Variants in CFLAR observed in about 807,000 individuals in gnomAD.
The protein encoded by CFLAR is CASP8 and FADD like apoptosis regulator.
A neutral mutation model predicts 51.1 loss-of-function variants in CFLAR; 14 were observed. The observed-to-expected ratio is 0.27, with a 90% CI of 0.18 to 0.43. The LOEUF (loss-of-function observed/expected upper bound fraction) is 0.43. CFLAR is among the 20% of genes least tolerant of loss of function. The pLI is 1.00. For synonymous variants in CFLAR, 210 were observed against 211.6 expected, an observed-to-expected ratio of 0.99 and a Z score of 0.06; for missense variants, 390 against 566.5, an observed-to-expected ratio of 0.69 and a Z score of 3.16.
At chr2:201,149,299 T>G (rs560203667) in intron 7 of CFLAR, 97 of 409,788 alleles carry the variant, frequency 2.4e-4, no homozygotes, top group Non-Finnish European at 3.8e-4. Flanking sequence ...ACTCAGTGAC[T>G]GCTGAACATA....
chr2:201,160,207 G>A (rs1942838705), intron 8 of CFLAR, among the ~76,000 whole-genome samples: 1 of 152,188 alleles, frequency 6.6e-6, no homozygotes, highest in Non-Finnish European at 1.5e-5. Flanking sequence ...GGCAGGAACA[G>A]TGGTATAGCA....
intron 2 of CFLAR, among the ~76,000 whole-genome samples, chr2:201,131,351 T>A (rs1295985672): frequency 6.6e-6 from 1 of 152,092 alleles, no homozygotes; most frequent in African/African-American, 2.4e-5. Context: ...TTCTCCTGCC[T>A]TAGCCTCCTG....
At chr2:201,123,847 C>T (rs1280975735) in intron 1 of CFLAR, among the ~76,000 whole-genome samples, 1 of 152,192 alleles carries the variant, frequency 6.6e-6, no homozygotes, top group Non-Finnish European at 1.5e-5. Context: ...CAGAATTGTG[C>T]AACCTCTTCT....
At chr2:201,132,502 A>G (rs2049466531) in intron 2 of CFLAR, among the ~76,000 whole-genome samples, 1 of 151,698 alleles carries the variant, frequency 6.6e-6, no homozygotes. Flanking sequence ...TTCTAGGCAA[A>G]GACATCTAAG....
chr2:201,152,076 T>A (rs1941369551), intron 8 of CFLAR, among the ~76,000 whole-genome samples: 1 of 151,970 alleles, frequency 6.6e-6, no homozygotes. Context: ...AACCTCTTCC[T>A]CCTGGGTTCA....
intron 3 of CFLAR, among the ~76,000 whole-genome samples, chr2:201,134,640 T>TTAAAATAAGA (rs529797160): frequency 7.0e-6 from 1 of 142,862 alleles, no homozygotes; most frequent in Non-Finnish European, 1.5e-5. Flanking sequence ...ATCTCAAAAA[T>TTAAAATAAGA]TAAAATAAAA....
rs113148448 is a variant in CFLAR at position 201,131,243 on chromosome 2, CT to C, written c.281+1108del. On this transcript the variant is annotated intron_variant, in intron 2 of 9. Coordinates refer to ENST00000309955, the MANE Select transcript of CFLAR (RefSeq NM_003879.7). ...ACTTGTAACCTTAAGTTGGTGTTTT[CT>C]TTTTTTTTTTGAGACAAAGTCTCGC... Among the ~76,000 whole-genome samples the C allele has an allele frequency of 9.1e-3, 1,329 of 146,304 alleles. 15 individuals carry two copies. The highest frequency in any genetic ancestry group is 0.03 in the African/African-American group (1,194 of 40,244).
rs1456739297 is a variant in CFLAR at position 201,153,096 on chromosome 2, C to G, written c.793+3261C>G. The G allele has an allele frequency of 2.0e-5, 3 of 152,300 alleles. No individual in the cohort carries two copies. In the East Asian group the frequency reaches 5.8e-4, roughly 29 times the overall value. The allele number at this position is 152,300 out of a possible 1,614,324, so 9.4% of individuals were successfully genotyped here. ...AGTAGGCCTGGGCCATTAGAGGGTA[C>G]CCTGGATGCTCGGTGCTGCCTTTCC... On this transcript the variant is annotated intron_variant, in intron 8 of 9. Transcript: ENST00000309955.
rs1939067725 is a variant in CFLAR, at chr2:201,142,168, G to A, written c.606+1729G>A. The stretch of plus-strand genomic sequence containing the variant: ...GTGTGCCTTTAGTCTCAGCTACTTG[G>A]GAGGCTGAGGTGGGAGAAATTGCTT... On this transcript the variant is annotated intron_variant, in intron 5 of 9. Coordinates refer to ENST00000309955, the MANE Select transcript of CFLAR (RefSeq NM_003879.7). Among the ~76,000 whole-genome samples the A allele has an allele frequency of 1.3e-5, 2 of 151,946 alleles. 1 individual carries two copies. The highest frequency in any genetic ancestry group is 1.3e-4 in the Admixed American group (2 of 15,240).
Position 201,168,446 on chromosome 2 carries a change from C to T in CFLAR, c.*4473C>T, listed in dbSNP as rs183084551. ...AACGTTGCTTCATGTTAAAAACTCT[C>T]AATAAACTAGGTATTGATGGAAAAT... is the stretch of plus-strand genomic sequence containing the variant. On this transcript the variant is annotated 3_prime_UTR_variant, in exon 10 of 10. Transcript: ENST00000309955. 1 of 152,204 alleles carries T rather than the reference C, an allele frequency of 6.6e-6. No individual in the cohort carries two copies. The highest frequency in any genetic ancestry group is 1.9e-4 in the East Asian group (1 of 5,182). 9.4% of individuals were successfully genotyped at this position (152,204 alleles called of 1,614,324 possible).
rs1443411851 is a variant in CFLAR, at chr2:201,170,498, A to G, written c.*6525A>G. ...TATTCACTTGCTGATAATTCAGCCT[A>G]ATCCAGTTTGACATCATATAGATAA... On this transcript the variant is annotated 3_prime_UTR_variant, in exon 10 of 10. Transcript: ENST00000309955. 1 of 152,242 alleles carries G rather than the reference A, an allele frequency of 6.6e-6. No individual in the cohort carries two copies. Among genetic ancestry groups the G allele is most frequent in the East Asian group, 1.9e-4 (1 of 5,198 alleles). The allele number at this position is 152,242 out of a possible 1,614,324, so 9.4% of individuals were successfully genotyped here.
intron 1 of CFLAR, among the ~76,000 whole-genome samples, chr2:201,126,468 A>T (rs1188786710): frequency 6.6e-6 from 1 of 152,246 alleles, no homozygotes; most frequent in Non-Finnish European, 1.5e-5. Flanking sequence ...CCAGTGAAAC[A>T]GCCAAGATGG....
At position 201,138,985 on chromosome 2, in the gene CFLAR, G is replaced by A. The variant is rs146266852; in HGVS notation, c.524-1372G>A. 5 of 551,502 alleles carry A rather than the reference G, an allele frequency of 9.1e-6. No individual in the cohort carries two copies. Among genetic ancestry groups the A allele is most frequent in the East Asian group, 4.6e-5 (1 of 21,618 alleles). 34.2% of individuals were successfully genotyped at this position (551,502 alleles called of 1,614,324 possible). A position where few individuals can be genotyped will look rare whatever the true frequency, so the allele number is the denominator to read the frequency against. ...TGTAGGTGAGTCCCTGGTCACTGGCGAAGAGCTGCTGCACGGTGTGGGGAA... is the reference window on the plus strand; with the variant it reads ...TGTAGGTGAGTCCCTGGTCACTGGCAAAGAGCTGCTGCACGGTGTGGGGAA... On this transcript the variant is annotated intron_variant, in intron 4 of 9. Transcript: ENST00000309955. The surrounding 1 kb of genome is among the most constrained non-coding windows in gnomAD (Gnocchi z 4.0).
rs559507465 is a variant in CFLAR at position 201,148,952 on chromosome 2, G to A, written c.662-51G>A. On this transcript the variant is annotated intron_variant, in intron 6 of 9. Coordinates refer to ENST00000309955, the MANE Select transcript of CFLAR (RefSeq NM_003879.7). ...AAGAAACTCAGCCAGTGTAGGGGTG[G>A]ACTTAGCTCTCCTTCAGCTTTGTAA... 5 of 1,262,810 alleles carry A rather than the reference G, an allele frequency of 4.0e-6. No homozygotes were observed. The South Asian group carries it at 6.0e-5, about 15-fold the overall frequency. 78.2% of individuals were successfully genotyped at this position (1,262,810 alleles called of 1,614,324 possible).
intron 4 of CFLAR, 45 bp from the exon 5 acceptor site, chr2:201,140,312 A>G: frequency 6.3e-7 from 1 of 1,584,232 alleles, no homozygotes; most frequent in Non-Finnish European, 8.6e-7. Context: ...TTATTTGATA[A>G]TAATTTGTAA....
intron 9 of CFLAR, chr2:201,162,967 A>G (rs370160571): frequency 2.8e-6 from 2 of 718,834 alleles, no homozygotes; most frequent in Non-Finnish European, 5.1e-6. Context: ...GTAACTTAGT[A>G]TTTGTTCTTA....
chr2:201,141,491 A>G (rs1938859950), intron 5 of CFLAR: 1 of 1,530,468 alleles, frequency 6.5e-7, no homozygotes, highest in African/African-American at 1.4e-5. Context: ...TTCATTTTCT[A>G]AATGTGTTAT....
chr2:201,161,418 TTA>T (rs775838017), intron 9 of CFLAR, among the ~76,000 whole-genome samples: 16 of 127,034 alleles, frequency 1.3e-4, no homozygotes, highest in Non-Finnish European at 2.5e-4. Context: ...TTATTTTTAT[TTA>T]TTTTTTTTTT....
chr2:201,152,714 C>T (rs1231329499), intron 8 of CFLAR: 1 of 152,174 alleles, frequency 6.6e-6, no homozygotes, highest in African/African-American at 2.4e-5. Flanking sequence ...TATCCAACTT[C>T]TTGGATAAAC....
Sources: gnomAD v4.1 joint callset for allele counts (sites outside exome capture counted in the v4.1 genomes callset) on GRCh38, gnomAD v4.1.1 for gene constraint, Gnocchi (gnomAD v3.1) non-coding constraint, MANE v1.5 for transcripts, NCBI Gene and HGNC (gene_info 2026-07-23, HGNC 2026-07-21) for gene names.